The following ZNF287 variants were observed in gnomAD, a reference collection of about 807,000 sequenced individuals.
The protein encoded by ZNF287 is zinc finger protein with KRAB and SCAN domains 13.
In ZNF287, 31 loss-of-function variants were observed where a neutral mutation model predicts 73.7. That is an observed-to-expected ratio of 0.42 (90% CI 0.32 to 0.57). ZNF287 has a LOEUF of 0.57. Among genes scored for constraint, ZNF287 ranks in the 20% least tolerant of loss-of-function variants. The probability of loss-of-function intolerance (pLI) is 0.13; values close to 1 mark genes in which losing one functional copy is unlikely to be tolerated. For synonymous variants in ZNF287, 301 were observed against 307.2 expected, an observed-to-expected ratio of 0.98 and a Z score of 0.21; for missense variants, 641 against 909.3, an observed-to-expected ratio of 0.70 and a Z score of 3.79.
chr17:16,562,179 G>A (rs190453489), intron 5 of ZNF287, among the ~76,000 whole-genome samples: 158 of 151,214 alleles, frequency 1.0e-3, no homozygotes, highest in African/African-American at 3.0e-3. Context: ...GAATAAGCAA[G>A]GAATGAGAAT....
At chr17:16,555,037 G>C (rs1160001379) in intron 5 of ZNF287, among the ~76,000 whole-genome samples, 1 of 152,224 alleles carries the variant, frequency 6.6e-6, no homozygotes, top group African/African-American at 2.4e-5. Flanking sequence ...ATAGTATTGG[G>C]CTCATGACAG....
chr17:16,554,600 T>C (rs549583627), intron 5 of ZNF287, among the ~76,000 whole-genome samples: 4 of 152,358 alleles, frequency 2.6e-5, no homozygotes, highest in African/African-American at 9.6e-5. Flanking sequence ...CATATTTCTC[T>C]CTACAATGCT....
chr17:16,567,921 T>C lies in ZNF287; in HGVS notation c.-190A>G. ...TGAGCCCAGAACTTGCAGGGATGGA[T>C]AAGAGACCCTGAAACACAAGCATGG... On this transcript the variant is annotated 5_prime_UTR_variant, in exon 2 of 6. Coordinates refer to ENST00000395825, the MANE Select transcript of ZNF287 (RefSeq NM_020653.4). 7.0e-7 allele frequency: 1 copy of C among 1,421,740 alleles called. No homozygotes were observed. The highest frequency in any genetic ancestry group is 9.1e-7 in the Non-Finnish European group (1 of 1,093,478). The allele number at this position is 1,421,740 out of a possible 1,614,324, so 88.1% of individuals were successfully genotyped here.
chr17:16,566,644 T>A lies in ZNF287; in HGVS notation c.404-22A>T. 3 of 1,579,248 alleles carry A rather than the reference T, an allele frequency of 1.9e-6. No homozygotes were observed. In the South Asian group the frequency reaches 3.4e-5, roughly 18 times the overall value. ...GGAGCTAGAGAAGAGAAAGAGGTCA[T>A]GAGGGAGATTAGTCCTTTCTGAATA... is the stretch of plus-strand genomic sequence containing the variant. On this transcript the variant is annotated intron_variant, in intron 2 of 5. Coordinates refer to ENST00000395825, the MANE Select transcript of ZNF287 (RefSeq NM_020653.4).
Position 16,552,240 on chromosome 17 carries a change from G to A in ZNF287, c.1902C>T (p.His634=). The stretch of plus-strand genomic sequence containing the variant: ...TATGAATCCTCTGATGTTGAGTAAG[G>A]TGCACACTCTGGCTGAATGCTTTCC... ...VCGKAFSQSV[H]LTQHQRIHNG... is the part of the protein sequence containing the mutation. The change falls in exon 6 of 6, where the codon CAC becomes CAT. Residue 634 remains histidine, a synonymous_variant. Coordinates refer to ENST00000395825, the MANE Select transcript of ZNF287 (RefSeq NM_020653.4). This position sits in a 1 kb window ranked among gnomAD's most constrained non-coding sequence, Gnocchi z 6.5. 2 of 1,613,922 alleles carry A rather than the reference G, an allele frequency of 1.2e-6. No homozygotes were observed. The highest frequency in any genetic ancestry group is 1.3e-5 in the African/African-American group (1 of 75,000).
intron 3 of ZNF287, among the ~76,000 whole-genome samples, chr17:16,565,997 T>C (rs1336748723): frequency 6.6e-6 from 1 of 152,052 alleles, no homozygotes; most frequent in African/African-American, 2.4e-5. Context: ...AAAAAATATA[T>C]ATAAATTCAT....
chr17:16,559,090 TTAA>T (rs1248214959), intron 5 of ZNF287: 1 of 151,976 alleles, frequency 6.6e-6, no homozygotes, highest in Non-Finnish European at 1.5e-5. Context: ...AGATAATATA[TTAA>T]TAATTTATTT....
At chr17:16,553,909 G>A (rs1435514595) in intron 5 of ZNF287, among the ~76,000 whole-genome samples, 1 of 152,118 alleles carries the variant, frequency 6.6e-6, no homozygotes, top group Non-Finnish European at 1.5e-5. Context: ...GGTTCTCAAG[G>A]CAGTCCTCCC....
chr17:16,555,613 C>G (rs894674351), intron 5 of ZNF287, among the ~76,000 whole-genome samples: 1 of 149,152 alleles, frequency 6.7e-6, no homozygotes, highest in African/African-American at 2.6e-5. Context: ...CACACACACA[C>G]ACACACACAC....
In ZNF287 at chr17:16,550,414, CTATG is replaced by C. The variant is rs1044305016; in HGVS notation, c.*1438_*1441del. On this transcript the variant is annotated 3_prime_UTR_variant, in exon 6 of 6. Coordinates refer to ENST00000395825, the MANE Select transcript of ZNF287 (RefSeq NM_020653.4). Reference sequence around the variant, plus strand: ...TTACATTTCATGTTATAGCAATTATCTATGTATGTTTTCCTCACTCCACTAAAAT... The same window carrying C: ...TTACATTTCATGTTATAGCAATTATCTATGTTTTCCTCACTCCACTAAAAT... Among the ~76,000 whole-genome samples, 58 of 152,286 alleles carry C rather than the reference CTATG, an allele frequency of 3.8e-4. No individual in the cohort carries two copies. Among genetic ancestry groups the C allele is most frequent in the African/African-American group, 1.3e-3 (56 of 41,580 alleles).
In ZNF287 at chr17:16,552,230, G is replaced by A. The variant is rs1906719226; in HGVS notation, c.1912C>T (p.His638Tyr). 3 of 1,613,908 alleles carry A rather than the reference G, an allele frequency of 1.9e-6. No homozygotes were observed. Among genetic ancestry groups the A allele is most frequent in the African/African-American group, 1.3e-5 (1 of 74,906 alleles). The change falls in exon 6 of 6, where the codon CAT becomes TAT. Residue 638 changes from histidine to tyrosine, a missense_variant. Transcript: ENST00000395825. This position sits in a 1 kb window ranked among gnomAD's most constrained non-coding sequence, Gnocchi z 6.5. ...AFSQSVHLTQHQRIHNGEKPF... is the reference protein window; with the variant it reads ...AFSQSVHLTQYQRIHNGEKPF... Reference sequence around the variant, plus strand: ...TTTTCTCCATTATGAATCCTCTGATGTTGAGTAAGGTGCACACTCTGGCTG... The same window carrying A: ...TTTTCTCCATTATGAATCCTCTGATATTGAGTAAGGTGCACACTCTGGCTG...
Position 16,563,191 on chromosome 17 carries a change from C to G in ZNF287, c.670G>C (p.Glu224Gln). ...YRPTVIPILE[E>Q]PWMVIKEILE... ...ATTTCTTTTATCACCATCCATGGTT[C>G]TTCCAATATGGGAATCACAGTTGGT... The change falls in exon 5 of 6, where the codon GAA (glutamate) becomes CAA (glutamine). Residue 224 changes from glutamate to glutamine, a missense_variant. Coordinates refer to ENST00000395825, the MANE Select transcript of ZNF287 (RefSeq NM_020653.4). 1.2e-6 allele frequency: 2 copies of G among 1,613,856 alleles called. No individual in the cohort carries two copies. Among genetic ancestry groups the G allele is most frequent in the Non-Finnish European group, 1.7e-6 (2 of 1,179,870 alleles).
chr17:16,556,174 A>C (rs1285323058), intron 5 of ZNF287, among the ~76,000 whole-genome samples: 1 of 152,078 alleles, frequency 6.6e-6, no homozygotes, highest in Admixed American at 6.5e-5. Flanking sequence ...AGACACACAC[A>C]CACACACACA....
At chr17:16,564,369 T>G (rs1258830803) in intron 3 of ZNF287, among the ~76,000 whole-genome samples, 2 of 152,010 alleles carry the variant, frequency 1.3e-5, no homozygotes, top group Admixed American at 6.5e-5. Flanking sequence ...TCTGGCTAAT[T>G]TTTAATTTTT....
rs547625404 is a variant in ZNF287 at position 16,551,568 on chromosome 17, T to A, written c.*288A>T. 8.3e-5 allele frequency: 28 copies of A among 335,686 alleles called. No individual in the cohort carries two copies. Among genetic ancestry groups the A allele is most frequent in the Admixed American group, 7.8e-4 (18 of 23,106 alleles). The allele number at this position is 335,686 out of a possible 1,614,324, so 20.8% of individuals were successfully genotyped here. Reference sequence around the variant, plus strand: ...TCCCCCGAGTATACCAAAGGATAAGTGTACTTGAAATAGAGAGTTGATGAG... The same window carrying A: ...TCCCCCGAGTATACCAAAGGATAAGAGTACTTGAAATAGAGAGTTGATGAG... On this transcript the variant is annotated 3_prime_UTR_variant, in exon 6 of 6. Coordinates refer to ENST00000395825, the MANE Select transcript of ZNF287 (RefSeq NM_020653.4).
intron 5 of ZNF287, among the ~76,000 whole-genome samples, chr17:16,562,381 T>C (rs1440366008): frequency 3.3e-5 from 5 of 152,224 alleles, no homozygotes; most frequent in African/African-American, 1.2e-4. Context: ...AAAACTATTT[T>C]TATATTGACT....
chr17:16,564,526 T>A (rs892706553), intron 3 of ZNF287, among the ~76,000 whole-genome samples: 1 of 152,210 alleles, frequency 6.6e-6, no homozygotes, highest in African/African-American at 2.4e-5. Context: ...TAAACACAGA[T>A]GACACAGTTG....
rs1906628164 is a variant in ZNF287, at chr17:16,551,168, A to G, written c.*688T>C. 6.6e-6 allele frequency among the ~76,000 whole-genome samples: 1 copy of G among 152,162 alleles called. No homozygotes were observed. Among genetic ancestry groups the G allele is most frequent in the Non-Finnish European group, 1.5e-5 (1 of 68,026 alleles). On this transcript the variant is annotated 3_prime_UTR_variant, in exon 6 of 6. Transcript: ENST00000395825. ...TGGCATAACAGGAGAAGGGGAAGTA[A>G]AACAGGGAAGGGAGTCCTTTACATA...
chr17:16,559,057 A>G (rs1028849111), intron 5 of ZNF287: 5 of 152,114 alleles, frequency 3.3e-5, no homozygotes, highest in African/African-American at 1.2e-4. Flanking sequence ...TATACATAGT[A>G]TACTTCTTTC....
Sources: gnomAD v4.1 joint callset for allele counts (sites outside exome capture counted in the v4.1 genomes callset) on GRCh38, gnomAD v4.1.1 for gene constraint, Gnocchi (gnomAD v3.1) non-coding constraint, MANE v1.5 for transcripts, NCBI Gene and HGNC (gene_info 2026-07-23, HGNC 2026-07-21) for gene names.